Variants in CTNNA3 observed in about 807,000 individuals in gnomAD.
CTNNA3 encodes the protein catenin alpha 3, also known as catenin alpha-3.
CTNNA3 carries 76 observed loss-of-function variants against 95.7 expected under a neutral mutation model. The ratio of observed to expected loss-of-function variants is 0.79; its 90% CI spans 0.66 to 0.96. The LOEUF is 0.96. Ranked by LOEUF, CTNNA3 falls within the 40% of genes least tolerant of loss-of-function variation. The probability of loss-of-function intolerance (pLI) is 0.00; values close to 1 mark genes in which losing one functional copy is unlikely to be tolerated. For synonymous variants in CTNNA3, 431 were observed against 374.4 expected (o/e 1.15, Z -1.74); for missense variants, 1,191 against 1,089.8 (o/e 1.09, Z -1.31).
chr10:66,501,623 A>G (rs1274018169), intron 11 of CTNNA3, among the ~76,000 whole-genome samples: 1 of 152,136 alleles, frequency 6.6e-6, no homozygotes, highest in Non-Finnish European at 1.5e-5. Flanking sequence ...TTCCCCCCAT[A>G]CTATCAAGAT....
At chr10:66,841,954 T>C (rs1843080790) in intron 7 of CTNNA3, among the ~76,000 whole-genome samples, 1 of 152,140 alleles carries the variant, frequency 6.6e-6, no homozygotes, top group Non-Finnish European at 1.5e-5. Context: ...TTTTCTTTTT[T>C]CCTGATACAG....
chr10:66,920,286 A>G (rs1035760287), intron 7 of CTNNA3, among the ~76,000 whole-genome samples: 12 of 152,268 alleles, frequency 7.9e-5, no homozygotes, highest in Non-Finnish European at 1.8e-4. Flanking sequence ...GTCAGGTTTT[A>G]TAAGTCCCAT....
At chr10:67,014,585 T>A (rs934495341) in intron 7 of CTNNA3, among the ~76,000 whole-genome samples, 7 of 152,132 alleles carry the variant, frequency 4.6e-5, no homozygotes, top group Admixed American at 2.0e-4. Context: ...TTATAATGTA[T>A]TTGCCAAAGA....
chr10:67,585,181 G>C (rs529376749), intron 3 of CTNNA3, among the ~76,000 whole-genome samples: 1 of 152,112 alleles, frequency 6.6e-6, no homozygotes, highest in Non-Finnish European at 1.5e-5. Flanking sequence ...GTTCCTATTT[G>C]GCCATCTTGG....
chr10:66,357,075 A>G (rs961127353), intron 12 of CTNNA3, among the ~76,000 whole-genome samples: 1 of 151,958 alleles, frequency 6.6e-6, no homozygotes, highest in South Asian at 2.1e-4. Context: ...GTTTTCTTCT[A>G]ATGTCTTTGT....
chr10:66,540,452 A>G (rs1841809845), intron 10 of CTNNA3, among the ~76,000 whole-genome samples: 1 of 152,140 alleles, frequency 6.6e-6, no homozygotes, highest in Admixed American at 6.5e-5. Flanking sequence ...GACTTGCCAC[A>G]TGTATCTGCT....
In CTNNA3 at chr10:67,519,665, C is replaced by T. The variant is rs955383166; in HGVS notation, c.579+2177G>A. Reference sequence around the variant, plus strand: ...AGGATACAGCATTAAAGGTGACAGACGAGGCCCTGTCCTTTTGGAGCTTAT... The same window carrying T: ...AGGATACAGCATTAAAGGTGACAGATGAGGCCCTGTCCTTTTGGAGCTTAT... On this transcript the variant is annotated intron_variant, in intron 5 of 17. Coordinates refer to ENST00000433211, the MANE Select transcript of CTNNA3 (RefSeq NM_013266.4). Among the ~76,000 whole-genome samples, 6 of 152,070 alleles carry T rather than the reference C, an allele frequency of 3.9e-5. No homozygotes were observed. In the East Asian group the frequency reaches 7.7e-4, roughly 20 times the overall value.
At chr10:66,820,289 A>T (rs1220670618) in intron 7 of CTNNA3, among the ~76,000 whole-genome samples, 1 of 152,168 alleles carries the variant, frequency 6.6e-6, no homozygotes, top group Non-Finnish European at 1.5e-5. Flanking sequence ...GCAAACCTAT[A>T]AAGTACAGAA....
At position 67,392,727 on chromosome 10, in the gene CTNNA3, T is replaced by TA. The variant is rs529104346; in HGVS notation, c.579+129114dup. 1.1e-4 allele frequency among the ~76,000 whole-genome samples: 17 copies of TA among 152,176 alleles called. No homozygotes were observed. The East Asian group carries it at 2.9e-3, about 26-fold the overall frequency. ...TACACCATGGAATACTATGCAGCCA[T>TA]AAAAAATGATGAGTTCATGTCCTTT... is the stretch of plus-strand genomic sequence containing the variant. On this transcript the variant is annotated intron_variant, in intron 5 of 17. Coordinates refer to ENST00000433211, the MANE Select transcript of CTNNA3 (RefSeq NM_013266.4).
At chr10:65,982,810 G>T (rs2078350236) in intron 16 of CTNNA3, among the ~76,000 whole-genome samples, 1 of 150,760 alleles carries the variant, frequency 6.6e-6, no homozygotes, top group Admixed American at 6.6e-5. Context: ...TTTCAGATAG[G>T]TAATACCTTT....
intron 7 of CTNNA3, among the ~76,000 whole-genome samples, chr10:67,102,594 T>G (rs1195508297): frequency 6.6e-6 from 1 of 151,832 alleles, no homozygotes; most frequent in Non-Finnish European, 1.5e-5. Flanking sequence ...ATTTATAAAT[T>G]TTGTGTTATA....
chr10:66,691,266 C>T (rs1249126050), intron 9 of CTNNA3, among the ~76,000 whole-genome samples: 1 of 152,196 alleles, frequency 6.6e-6, no homozygotes, highest in Non-Finnish European at 1.5e-5. Context: ...TAATACTGCG[C>T]TTTTCTGATG....
intron 9 of CTNNA3, among the ~76,000 whole-genome samples, chr10:66,681,326 T>C (rs1192268358): frequency 6.6e-6 from 1 of 152,130 alleles, no homozygotes; most frequent in South Asian, 2.1e-4. Flanking sequence ...ACTCACTTGG[T>C]CCTAAGTTTG....
chr10:66,779,848 C>G (rs1336525020), intron 7 of CTNNA3, among the ~76,000 whole-genome samples: 2 of 152,088 alleles, frequency 1.3e-5, no homozygotes, highest in Non-Finnish European at 2.9e-5. Flanking sequence ...CTACTATATG[C>G]GGGACACCAT....
chr10:66,569,786 A>AATATTAT (rs1842814194), intron 10 of CTNNA3, among the ~76,000 whole-genome samples: 1 of 152,170 alleles, frequency 6.6e-6, no homozygotes, highest in East Asian at 1.9e-4. Context: ...GATATCTGAA[A>AATATTAT]GTACCTCAGT....
At chr10:66,070,503 C>G (rs2080412605) in intron 14 of CTNNA3, among the ~76,000 whole-genome samples, 2 of 152,102 alleles carry the variant, frequency 1.3e-5, no homozygotes, top group African/African-American at 2.4e-5. Flanking sequence ...TGGTGCTTCT[C>G]TTTACATTCT....
intron 11 of CTNNA3, among the ~76,000 whole-genome samples, chr10:66,493,055 C>T (rs1839978264): frequency 6.6e-6 from 1 of 152,080 alleles, no homozygotes; most frequent in African/African-American, 2.4e-5. Context: ...TTGAAAAGCA[C>T]AGATCATATC....
chr10:67,173,682 A>T (rs528679534), intron 7 of CTNNA3, among the ~76,000 whole-genome samples: 8 of 152,312 alleles, frequency 5.3e-5, no homozygotes, highest in African/African-American at 1.9e-4. Flanking sequence ...CTAATACTTC[A>T]TGCCAGGATT....
At chr10:66,967,343 T>C (rs57904273) in intron 7 of CTNNA3, among the ~76,000 whole-genome samples, 1 of 150,838 alleles carries the variant, frequency 6.6e-6, no homozygotes, top group South Asian at 2.1e-4. Context: ...CATATATATA[T>C]ATAGATAGAT....
Sources: allele counts gnomAD v4.1 joint callset (sites outside exome capture counted in the v4.1 genomes callset), GRCh38; gene constraint gnomAD v4.1.1; transcripts MANE v1.5; gene names NCBI Gene and HGNC (gene_info 2026-07-23, HGNC 2026-07-21).